The following TBC1D1 variants were observed in gnomAD, a reference collection of about 807,000 sequenced individuals.
TBC1D1 encodes TBC1 (tre-2/USP6, BUB2, cdc16) domain family, member 1.
In TBC1D1, 89 loss-of-function variants were observed where a neutral mutation model predicts 125.6. The observed-to-expected ratio is 0.71, with a 90% confidence interval of 0.60 to 0.85. The LOEUF (loss-of-function observed/expected upper bound fraction) is 0.85. Among genes scored for constraint, TBC1D1 ranks in the 40% least tolerant of loss-of-function variants. The pLI is 0.00. For synonymous variants in TBC1D1, 565 were observed against 564.1 expected (o/e 1.00, Z -0.02); for missense variants, 1,377 against 1,469.2 (o/e 0.94, Z 1.03).
intron 2 of TBC1D1, among the ~76,000 whole-genome samples, chr4:37,968,669 T>C (rs1332032044): frequency 6.6e-6 from 1 of 152,278 alleles, no homozygotes; most frequent in African/African-American, 2.4e-5. Context: ...CCGTTTGCTC[T>C]GAAGACGGTC....
intron 2 of TBC1D1, among the ~76,000 whole-genome samples, chr4:37,923,129 C>T (rs1721374878): frequency 6.6e-6 from 1 of 152,066 alleles, no homozygotes; most frequent in African/African-American, 2.4e-5. Flanking sequence ...TTGACAGGCC[C>T]TGGTGTGTGA....
Position 38,054,425 on chromosome 4 carries a change from G to C in TBC1D1, c.2050+87G>C, listed in dbSNP as rs1751299529. 3 of 1,556,118 alleles carry C rather than the reference G, an allele frequency of 1.9e-6. No individual in the cohort carries two copies. The African/African-American group carries it at 4.1e-5, about 21-fold the overall frequency. ...CCCATCATATTGGTAAGAAAGCAGA[G>C]CGCCGTCCTCTTCAGTATTGGCAGG... On this transcript the variant is annotated intron_variant, in intron 12 of 19. Coordinates refer to ENST00000261439, the MANE Select transcript of TBC1D1 (RefSeq NM_015173.4).
Position 37,995,806 on chromosome 4 carries a change from TTG to T in TBC1D1, c.418-18702_418-18701del. The T allele has an allele frequency of 1.8e-6, 1 of 546,862 alleles. No individual in the cohort carries two copies. Among genetic ancestry groups the T allele is most frequent in the African/African-American group, 1.9e-5 (1 of 52,690 alleles). The allele number at this position is 546,862 out of a possible 1,614,324, so 33.9% of individuals were successfully genotyped here. On this transcript the variant is annotated intron_variant, in intron 2 of 19. Transcript: ENST00000261439. This position sits in a 1 kb window ranked among gnomAD's most constrained non-coding sequence, Gnocchi z 4.3. The stretch of plus-strand genomic sequence containing the variant: ...CTCCTGGATTGCTACCCCAAATCAT[TTG>T]CATCCTCAGTCTTGGGGATCAGGTG...
intron 17 of TBC1D1, among the ~76,000 whole-genome samples, chr4:38,118,770 C>T (rs559097465): frequency 6.6e-6 from 1 of 152,378 alleles, no homozygotes; most frequent in South Asian, 2.1e-4. Flanking sequence ...CCTGAGCCCA[C>T]ATGTCACAGC....
chr4:38,003,594 G>A (rs1739488034), intron 2 of TBC1D1, among the ~76,000 whole-genome samples: 1 of 152,166 alleles, frequency 6.6e-6, no homozygotes, highest in Admixed American at 6.5e-5. Flanking sequence ...GCAGTCAGAT[G>A]TGGTGGCTCA....
intron 17 of TBC1D1, among the ~76,000 whole-genome samples, chr4:38,122,919 C>T (rs1032218299): frequency 4.6e-5 from 7 of 152,214 alleles, no homozygotes; most frequent in African/African-American, 1.7e-4. Context: ...CACCCTCTCC[C>T]CTCCAAATTT....
At chr4:37,907,411 T>C (rs1245798961) in intron 2 of TBC1D1, among the ~76,000 whole-genome samples, 1 of 152,218 alleles carries the variant, frequency 6.6e-6, no homozygotes, top group Admixed American at 6.5e-5. Context: ...AGACGGAGTT[T>C]CATCTGTTGC....
intron 15 of TBC1D1, among the ~76,000 whole-genome samples, chr4:38,113,356 T>G (rs1762486880): frequency 6.6e-6 from 1 of 152,082 alleles, no homozygotes; most frequent in Non-Finnish European, 1.5e-5. Flanking sequence ...GCCCACCCTC[T>G]TAGGAATGTT....
chr4:38,003,529 C>T (rs568892824), intron 2 of TBC1D1, among the ~76,000 whole-genome samples: 1 of 152,106 alleles, frequency 6.6e-6, no homozygotes, highest in Non-Finnish European at 1.5e-5. Context: ...TCGTTCTGTA[C>T]TGAAAGGTAG....
intron 11 of TBC1D1, among the ~76,000 whole-genome samples, chr4:38,052,726 G>GCTCACA (rs1246402585): frequency 1.4e-5 from 1 of 68,996 alleles, no homozygotes; most frequent in Admixed American, 1.4e-4. Flanking sequence ...GCGCGCGCGC[G>GCTCACA]CGCACACACA....
chr4:38,065,232 G>A (rs1753497896), intron 12 of TBC1D1, among the ~76,000 whole-genome samples: 1 of 152,158 alleles, frequency 6.6e-6, no homozygotes, highest in Non-Finnish European at 1.5e-5. Context: ...ATAGGTGTGA[G>A]CCACTGCACC....
rs897949397 is a variant in TBC1D1 at position 37,977,918 on chromosome 4, C to T, written c.418-36591C>T. Among the ~76,000 whole-genome samples, 6 of 152,132 alleles carry T rather than the reference C, an allele frequency of 3.9e-5. No individual in the cohort carries two copies. The highest frequency in any genetic ancestry group is 1.4e-4 in the African/African-American group (6 of 41,436). The stretch of plus-strand genomic sequence containing the variant: ...GCGTGTCTCCCTCGCGGGTGTCGCC[C>T]TCGTGTGTCTCCCTCGCAGAAGTCG... On this transcript the variant is annotated intron_variant, in intron 2 of 19. Transcript: ENST00000261439. The surrounding 1 kb of genome is among the most constrained non-coding windows in gnomAD (Gnocchi z 4.3).
At chr4:38,132,209 T>C (rs1765703107) in intron 18 of TBC1D1, among the ~76,000 whole-genome samples, 1 of 151,636 alleles carries the variant, frequency 6.6e-6, no homozygotes, top group African/African-American at 2.4e-5. Context: ...TCTTTTAAGA[T>C]GGTCCCAGCT....
At chr4:37,899,144 C>T (rs1342124836) in intron 1 of TBC1D1, among the ~76,000 whole-genome samples, 2 of 151,320 alleles carry the variant, frequency 1.3e-5, no homozygotes, top group Non-Finnish European at 1.5e-5. Context: ...TTCTCTAGGA[C>T]GAAAAAGAAA....
Position 38,053,103 on chromosome 4 carries a change from T to A in TBC1D1, c.1911-1096T>A, listed in dbSNP as rs1467818195. The A allele has an allele frequency of 1.0e-5, 15 of 1,455,892 alleles. No individual in the cohort carries two copies. Among genetic ancestry groups the A allele is most frequent in the Non-Finnish European group, 1.4e-5 (15 of 1,105,080 alleles). 90.2% of individuals were successfully genotyped at this position (1,455,892 alleles called of 1,614,324 possible). ...TAAACTCTTTTTTCAACCAAACTCT[T>A]AGCATCTCCTACCGTAATGCCCTGC... On this transcript the variant is annotated intron_variant, in intron 11 of 19. Transcript: ENST00000261439.
intron 2 of TBC1D1, among the ~76,000 whole-genome samples, chr4:37,976,096 G>A (rs1305452493): frequency 6.6e-6 from 1 of 152,156 alleles, no homozygotes; most frequent in Non-Finnish European, 1.5e-5. Context: ...ATAAAACACT[G>A]TTTTTGGATT....
At chr4:37,897,224 T>TG (rs976721303) in intron 1 of TBC1D1, among the ~76,000 whole-genome samples, 6 of 152,218 alleles carry the variant, frequency 3.9e-5, no homozygotes, top group African/African-American at 1.4e-4. Context: ...CAGAAATAAT[T>TG]GCAGTTTTTG....
chr4:37,922,973 A>G lies in TBC1D1; in HGVS notation c.417+20461A>G, dbSNP rs927306436. 3.3e-5 allele frequency among the ~76,000 whole-genome samples: 5 copies of G among 151,688 alleles called. 1 individual carries two copies. The South Asian group carries it at 1.0e-3, about 31-fold the overall frequency. On this transcript the variant is annotated intron_variant, in intron 2 of 19. Transcript: ENST00000261439. Reference sequence around the variant, plus strand: ...AGTTCTCTCTCTTTTTTTTTTAATTATACTTTAAGTTCTTGGATACATGTG... The same window carrying G: ...AGTTCTCTCTCTTTTTTTTTTAATTGTACTTTAAGTTCTTGGATACATGTG...
intron 2 of TBC1D1, among the ~76,000 whole-genome samples, chr4:37,940,380 T>C (rs569699523): frequency 1.3e-5 from 2 of 152,320 alleles, no homozygotes; most frequent in Admixed American, 1.3e-4. Flanking sequence ...TTTTGTATCC[T>C]GAGACTTTGC....
Sources: allele counts gnomAD v4.1 joint callset (sites outside exome capture counted in the v4.1 genomes callset), GRCh38; gene constraint gnomAD v4.1.1; non-coding constraint Gnocchi (gnomAD v3.1); transcripts MANE v1.5; gene names NCBI Gene and HGNC (gene_info 2026-07-23, HGNC 2026-07-21).